UGT1A10: variants seen among roughly 807,000 people sequenced by gnomAD.
The protein encoded by UGT1A10 is UDP-glucuronosyltransferase 1A10.
Under a neutral mutation model 45.8 loss-of-function variants are expected in UGT1A10, and 49 were observed. The ratio of observed to expected loss-of-function variants is 1.07; its 90% confidence interval spans 0.85 to 1.36. The LOEUF (loss-of-function observed/expected upper bound fraction) is 1.36, where lower values mean the gene tolerates loss of function less well. Among genes scored for constraint, UGT1A10 ranks in the 40% most tolerant of loss-of-function variants. The pLI is 0.00. For missense variants in UGT1A10, 745 were observed against 668.6 expected (o/e 1.11, Z -1.26); for synonymous variants, 284 against 249.7 (o/e 1.14, Z -1.29).
chr2:233,683,676 C>T (rs45486299), intron 1 of UGT1A10, among the ~76,000 whole-genome samples: 4 of 152,170 alleles, frequency 2.6e-5, no homozygotes, highest in South Asian at 2.1e-4. Flanking sequence ...TCTTATTAAC[C>T]TTTATTCCTC....
intron 1 of UGT1A10, chr2:233,741,793 C>T (rs1691771418): frequency 6.6e-6 from 1 of 151,878 alleles, no homozygotes; most frequent in South Asian, 2.1e-4. Context: ...AAAAAATTAC[C>T]AGCATGCTGC....
At chr2:233,696,840 G>A (rs17864692) in intron 1 of UGT1A10, among the ~76,000 whole-genome samples, 7,328 of 152,214 alleles carry the variant, frequency 0.048, 193 homozygotes, top group Non-Finnish European at 0.059. Flanking sequence ...ATAAAGGGAC[G>A]TTGAATTTTG....
rs1036658876 is a variant in UGT1A10, at chr2:233,665,189, A to G, written c.855+27812A>G. Among the ~76,000 whole-genome samples, 4 of 152,236 alleles carry G rather than the reference A, an allele frequency of 2.6e-5. No homozygotes were observed. In the South Asian group the frequency reaches 6.2e-4, roughly 24 times the overall value. On this transcript the variant is annotated intron_variant, in intron 1 of 4. Coordinates refer to ENST00000344644, the MANE Select transcript of UGT1A10 (RefSeq NM_019075.4). ...AAATTATAGACATCTTTAGAGGCCA[A>G]TACAGACTGATTTGACAAGTTCTTT...
At chr2:233,715,294 C>T (rs2076444307) in intron 1 of UGT1A10, among the ~76,000 whole-genome samples, 1 of 152,122 alleles carries the variant, frequency 6.6e-6, no homozygotes, top group South Asian at 2.1e-4. Context: ...TATATTTTGG[C>T]TCTTGAATAG....
chr2:233,657,696 T>C (rs2073885671), intron 1 of UGT1A10, among the ~76,000 whole-genome samples: 1 of 152,218 alleles, frequency 6.6e-6, no homozygotes, highest in South Asian at 2.1e-4. Context: ...TGATTGCAGC[T>C]ATTCTAATGG....
intron 1 of UGT1A10, among the ~76,000 whole-genome samples, chr2:233,758,290 A>G (rs1270361168): frequency 6.6e-6 from 1 of 152,254 alleles, no homozygotes; most frequent in East Asian, 1.9e-4. Flanking sequence ...AGCTGTGGCC[A>G]CAAACCATCC....
chr2:233,649,967 TTTTG>T (rs1054764487), intron 1 of UGT1A10, among the ~76,000 whole-genome samples: 63 of 152,190 alleles, frequency 4.1e-4, no homozygotes, highest in Non-Finnish European at 5.6e-4. Context: ...CTTCAAGGTT[TTTTG>T]TTTGTTTGTT....
intron 1 of UGT1A10, among the ~76,000 whole-genome samples, chr2:233,673,160 G>A (rs1042017198): frequency 6.6e-6 from 1 of 152,050 alleles, no homozygotes; most frequent in African/African-American, 2.4e-5. Flanking sequence ...TTTTAAAAAA[G>A]TACTTTAGGT....
At chr2:233,668,149 G>A (rs2074115148) in intron 1 of UGT1A10, among the ~76,000 whole-genome samples, 1 of 151,914 alleles carries the variant, frequency 6.6e-6, no homozygotes, top group Non-Finnish European at 1.5e-5. Flanking sequence ...TTGGTTTGCT[G>A]CACCCATTAA....
chr2:233,740,339 A>T (rs1249228201), intron 1 of UGT1A10, among the ~76,000 whole-genome samples: 1 of 151,952 alleles, frequency 6.6e-6, no homozygotes, highest in Admixed American at 6.5e-5. Context: ...GAGAAAGTTG[A>T]TGAGAAAGTG....
intron 1 of UGT1A10, among the ~76,000 whole-genome samples, chr2:233,643,159 T>G (rs2125465938): frequency 6.6e-6 from 1 of 152,362 alleles, no homozygotes; most frequent in Middle Eastern, 3.4e-3. Context: ...CCCCAGGCCC[T>G]GGGTGGGTCC....
intron 1 of UGT1A10, among the ~76,000 whole-genome samples, chr2:233,721,053 C>T (rs2076919169): frequency 6.6e-6 from 1 of 152,004 alleles, no homozygotes; most frequent in Admixed American, 6.6e-5. Flanking sequence ...CCTTTTTTGT[C>T]ATATTCACTG....
intron 1 of UGT1A10, among the ~76,000 whole-genome samples, chr2:233,724,190 G>T (rs1456907439): frequency 1.6e-5 from 2 of 128,342 alleles, no homozygotes; most frequent in Non-Finnish European, 3.3e-5. Flanking sequence ...CCCGGACGGG[G>T]TGGCTGGCCG....
At chr2:233,711,892 T>C (rs2076203000) in intron 1 of UGT1A10, among the ~76,000 whole-genome samples, 1 of 152,214 alleles carries the variant, frequency 6.6e-6, no homozygotes, top group Admixed American at 6.5e-5. Context: ...ACGAGTCTCA[T>C]GGGCGTGAGA....
chr2:233,681,530 C>CAAAA (rs747693860), intron 1 of UGT1A10, among the ~76,000 whole-genome samples: 4 of 77,718 alleles, frequency 5.1e-5, no homozygotes, highest in African/African-American at 9.7e-5. Flanking sequence ...GACTCCATCT[C>CAAAA]AAAAAAAAAA....
intron 1 of UGT1A10, among the ~76,000 whole-genome samples, chr2:233,724,462 A>G (rs2077262271): frequency 8.2e-6 from 1 of 121,344 alleles, no homozygotes; most frequent in Admixed American, 8.0e-5. Flanking sequence ...TGCCGGGCGG[A>G]GGGGCTCCTC....
intron 1 of UGT1A10, among the ~76,000 whole-genome samples, chr2:233,679,226 G>T (rs1406428659): frequency 2.6e-5 from 4 of 152,180 alleles, no homozygotes; most frequent in Non-Finnish European, 4.4e-5. Context: ...GCTAGGGAAT[G>T]GTCCAATATC....
intron 1 of UGT1A10, among the ~76,000 whole-genome samples, chr2:233,690,163 G>T (rs1373821993): frequency 1.3e-5 from 2 of 152,186 alleles, no homozygotes. Context: ...TTGACATGTA[G>T]TTATGTTTTT....
At chr2:233,640,269 A>G (rs2073416301) in intron 1 of UGT1A10, among the ~76,000 whole-genome samples, 1 of 152,116 alleles carries the variant, frequency 6.6e-6, no homozygotes, top group South Asian at 2.1e-4. Flanking sequence ...AGGCTAAATA[A>G]TTTTCAGTGT....
Sources: allele counts gnomAD v4.1 joint callset (sites outside exome capture counted in the v4.1 genomes callset), GRCh38; gene constraint gnomAD v4.1.1; transcripts MANE v1.5; gene names NCBI Gene and HGNC (gene_info 2026-07-23, HGNC 2026-07-21).